Variants in STAT1 observed in about 807,000 individuals in gnomAD.
STAT1 encodes signal transducer and activator of transcription 1.
A neutral mutation model predicts 111.7 loss-of-function variants in STAT1; 24 were observed. The ratio of observed to expected loss-of-function variants is 0.21; its 90% CI spans 0.16 to 0.30. The LOEUF (loss-of-function observed/expected upper bound fraction) is 0.30, where lower values mean the gene tolerates loss of function less well. Ranked by LOEUF, STAT1 falls within the 10% of genes least tolerant of loss-of-function variation. STAT1 has a pLI of 1.00. For missense variants in STAT1, 351 were observed against 911.9 expected (o/e 0.38, Z 7.92); for synonymous variants, 332 against 326.5 (o/e 1.02, Z -0.18).
rs1331737723 is a variant in STAT1, at chr2:190,998,594, G to A, written c.542-286C>T. Among the ~76,000 whole-genome samples, 2 of 151,534 alleles carry A rather than the reference G, an allele frequency of 1.3e-5. No homozygotes were observed. The highest frequency in any genetic ancestry group is 2.1e-4 in the South Asian group (1 of 4,800). ...GGAGAACAGCATGAACCCGGGAGGC[G>A]GAGCTTGGAGTGAGCCGAGATCTCG... On this transcript the variant is annotated intron_variant, in intron 7 of 24. Coordinates refer to ENST00000361099, the MANE Select transcript of STAT1 (RefSeq NM_007315.4). This position sits in a 1 kb window ranked among gnomAD's most constrained non-coding sequence, Gnocchi z 4.1.
intron 2 of STAT1, among the ~76,000 whole-genome samples, chr2:191,013,159 G>A (rs530503928): frequency 3.3e-5 from 5 of 152,338 alleles, no homozygotes; most frequent in South Asian, 2.1e-4. Flanking sequence ...GAATTAGAAA[G>A]TAAAAAGCAA....
rs540073609 is a variant in STAT1 at position 190,984,058 on chromosome 2, T to C, written c.1347+252A>G. Among the ~76,000 whole-genome samples the C allele has an allele frequency of 7.3e-6, 1 of 137,490 alleles. No individual in the cohort carries two copies. The highest frequency in any genetic ancestry group is 7.0e-5 in the Admixed American group (1 of 14,246). 90.2% of individuals were successfully genotyped at this position (137,490 alleles called of 152,430 possible). A position where few individuals can be genotyped will look rare whatever the true frequency, so the allele number is the denominator to read the frequency against. On this transcript the variant is annotated intron_variant, in intron 16 of 24. Coordinates refer to ENST00000361099, the MANE Select transcript of STAT1 (RefSeq NM_007315.4). This position sits in a 1 kb window ranked among gnomAD's most constrained non-coding sequence, Gnocchi z 5.2. ...GCAGAGCAAAATAAATAAGTCCCAATGCTTAATGTAAAAAAAAAAAATTAA... is the reference window on the plus strand; with the variant it reads ...GCAGAGCAAAATAAATAAGTCCCAACGCTTAATGTAAAAAAAAAAAATTAA...
chr2:191,013,737 T>C, intron 1 of STAT1, 59 bp from the exon 2 acceptor site: 1 of 398,512 alleles, frequency 2.5e-6, no homozygotes, highest in Non-Finnish European at 4.4e-6. Context: ...AAAGTGACGG[T>C]AAATGGGAAG....
In STAT1 at chr2:190,976,906, T is replaced by G. The variant is rs766134563; in HGVS notation, c.1993A>C (p.Lys665Gln). ...AAENIPENPL[K>Q]YLYPNIDKDH... Reference sequence around the variant, plus strand: ...TTGTCAATATTTGGATACAGATACTTCAGGGGATTCTCAGGAATATTCTCA... The same window carrying G: ...TTGTCAATATTTGGATACAGATACTGCAGGGGATTCTCAGGAATATTCTCA... Residue 665 changes from lysine (K) to glutamine (Q), a missense_variant, in exon 22 of 25, where the codon AAG (lysine) becomes CAG (glutamine). Lys to Gln is a moderately conservative substitution (Grantham distance 53). Around this residue, in one of 7 missense-constraint regions of STAT1, gnomAD observed 181 missense variants for 426.1 expected, o/e 0.42. Coordinates refer to ENST00000361099, the MANE Select transcript of STAT1 (RefSeq NM_007315.4). The surrounding 1 kb of genome is among the most constrained non-coding windows in gnomAD (Gnocchi z 6.0). The G allele has an allele frequency of 6.2e-7, 1 of 1,614,174 alleles. No individual in the cohort carries two copies. The highest frequency in any genetic ancestry group is 8.5e-7 in the Non-Finnish European group (1 of 1,179,984).
rs781677567 is a variant in STAT1, at chr2:190,998,617, T to C, written c.542-309A>G. 4.0e-5 allele frequency among the ~76,000 whole-genome samples: 6 copies of C among 149,932 alleles called. No homozygotes were observed. Among genetic ancestry groups the C allele is most frequent in the Admixed American group, 6.6e-5 (1 of 15,066 alleles). ...GCGGAGCTTGGAGTGAGCCGAGATC[T>C]CGCCACTGCACTCTAGCCTGGGCGA... is the stretch of plus-strand genomic sequence containing the variant. On this transcript the variant is annotated intron_variant, in intron 7 of 24. Transcript: ENST00000361099. This position sits in a 1 kb window ranked among gnomAD's most constrained non-coding sequence, Gnocchi z 4.1.
rs927470779 is a variant in STAT1 at position 190,999,456 on chromosome 2, G to A, written c.541+170C>T. On this transcript the variant is annotated intron_variant, in intron 7 of 24. Coordinates refer to ENST00000361099, the MANE Select transcript of STAT1 (RefSeq NM_007315.4). This position sits in a 1 kb window ranked among gnomAD's most constrained non-coding sequence, Gnocchi z 4.1. ...CCAGGACAGCCCCAACAACAAATTA[G>A]CCCGAAATGTCAATAATATTGGATG... Among the ~76,000 whole-genome samples, 1 of 152,036 alleles carries A rather than the reference G, an allele frequency of 6.6e-6. No individual in the cohort carries two copies. The highest frequency in any genetic ancestry group is 2.4e-5 in the African/African-American group (1 of 41,376).
chr2:190,982,340 G>A lies in STAT1; in HGVS notation c.1582+43C>T. 6.2e-7 allele frequency: 1 copy of A among 1,608,650 alleles called. No homozygotes were observed. Among genetic ancestry groups the A allele is most frequent in the Non-Finnish European group, 8.5e-7 (1 of 1,175,478 alleles). ...AGAGCAATTAGAGAGATATTTTTAT[G>A]AATTTCAATTTTTATAAACATAACA... is the stretch of plus-strand genomic sequence containing the variant. On this transcript the variant is annotated intron_variant, in intron 18 of 24. Transcript: ENST00000361099. The surrounding 1 kb of genome is among the most constrained non-coding windows in gnomAD (Gnocchi z 7.3).
rs1693117075 is a variant in STAT1 at position 190,989,169 on chromosome 2, C to T, written c.1097+446G>A. ...TCATGGCAGCCTGGACGTTCAGCCT[C>T]GGGTTGGATCAGGGGCCTCTCCTTT... On this transcript the variant is annotated intron_variant, in intron 12 of 24. Transcript: ENST00000361099. The surrounding 1 kb of genome is among the most constrained non-coding windows in gnomAD (Gnocchi z 5.0). Among the ~76,000 whole-genome samples, 1 of 152,134 alleles carries T rather than the reference C, an allele frequency of 6.6e-6. No individual in the cohort carries two copies. The highest frequency in any genetic ancestry group is 2.1e-4 in the South Asian group (1 of 4,828).
Position 190,974,583 on chromosome 2 carries a change from C to G in STAT1, c.2238+247G>C, listed in dbSNP as rs1464889507. ...AACTTTAAAGGGGAGAGGAGGAAACCTGAATATTAGAAATGTCACTTGTTT... is the reference window on the plus strand; with the variant it reads ...AACTTTAAAGGGGAGAGGAGGAAACGTGAATATTAGAAATGTCACTTGTTT... On this transcript the variant is annotated intron_variant, in intron 24 of 24. Transcript: ENST00000361099. The surrounding 1 kb of genome is among the most constrained non-coding windows in gnomAD (Gnocchi z 4.8). Among the ~76,000 whole-genome samples the G allele has an allele frequency of 1.3e-5, 2 of 152,196 alleles. No individual in the cohort carries two copies. The highest frequency in any genetic ancestry group is 4.8e-5 in the African/African-American group (2 of 41,436).
rs1447181275 is a variant in STAT1, at chr2:190,976,738, C to T, written c.2059+102G>A. On this transcript the variant is annotated intron_variant, in intron 22 of 24. Transcript: ENST00000361099. The surrounding 1 kb of genome is among the most constrained non-coding windows in gnomAD (Gnocchi z 6.0). ...GCCATCTTTTGAAAGCCTACTCTTACCAATTCGAAAGCAAAACACTGCATG... is the reference window on the plus strand; with the variant it reads ...GCCATCTTTTGAAAGCCTACTCTTATCAATTCGAAAGCAAAACACTGCATG... 2.9e-6 allele frequency: 3 copies of T among 1,030,522 alleles called. No individual in the cohort carries two copies. Among genetic ancestry groups the T allele is most frequent in the Non-Finnish European group, 4.5e-6 (3 of 659,752 alleles). The allele number at this position is 1,030,522 out of a possible 1,614,324, so 63.8% of individuals were successfully genotyped here. A position where few individuals can be genotyped will look rare whatever the true frequency, so the allele number is the denominator to read the frequency against.
Position 190,993,116 on chromosome 2 carries a change from A to G in STAT1, c.945-1796T>C. On this transcript the variant is annotated intron_variant, in intron 10 of 24. Transcript: ENST00000361099. The surrounding 1 kb of genome is among the most constrained non-coding windows in gnomAD (Gnocchi z 4.1). ...TGTTGCATTCCTAGCACTAGTTTCC[A>G]AAAACAGAATTCCAAGGGAATCAGC... 2.4e-6 allele frequency: 1 copy of G among 410,876 alleles called. No individual in the cohort carries two copies. Among genetic ancestry groups the G allele is most frequent in the Non-Finnish European group, 4.6e-6 (1 of 215,732 alleles). The allele number at this position is 410,876 out of a possible 1,614,324, so 25.5% of individuals were successfully genotyped here.
At chr2:190,985,791 T>C (rs1286921070) in intron 14 of STAT1, 131 bp from the exon 15 acceptor site, 2 of 982,438 alleles carry the variant, frequency 2.0e-6, no homozygotes, top group Non-Finnish European at 3.1e-6. Context: ...ATGCAGAACA[T>C]GGGACAAATT....
At chr2:191,009,375 C>A (rs1023732396) in intron 3 of STAT1, among the ~76,000 whole-genome samples, 7 of 152,156 alleles carry the variant, frequency 4.6e-5, no homozygotes, top group African/African-American at 1.7e-4. Context: ...GAAAAGTCAA[C>A]AGGGGACCCT....
rs1240818117 is a variant in STAT1 at position 191,013,569 on chromosome 2, G to C, written c.-46C>G. The C allele has an allele frequency of 5.0e-6, 2 of 398,420 alleles. No individual in the cohort carries two copies. The highest frequency in any genetic ancestry group is 8.8e-6 in the Non-Finnish European group (2 of 226,062). The allele number at this position is 398,420 out of a possible 1,614,324, so 24.7% of individuals were successfully genotyped here. A position where few individuals can be genotyped will look rare whatever the true frequency, so the allele number is the denominator to read the frequency against. On this transcript the variant is annotated 5_prime_UTR_variant, in exon 2 of 25. Coordinates refer to ENST00000361099, the MANE Select transcript of STAT1 (RefSeq NM_007315.4). The stretch of plus-strand genomic sequence containing the variant: ...CAAGGGCCTGGGGATTCAACCAAAG[G>C]AGCAGCTACGCACAGCACGTTAGGT...
In STAT1 at chr2:190,980,743, G is replaced by C; in HGVS notation, c.1583-74C>G. The C allele has an allele frequency of 6.9e-7, 1 of 1,453,258 alleles. No individual in the cohort carries two copies. The highest frequency in any genetic ancestry group is 9.6e-7 in the Non-Finnish European group (1 of 1,036,474). The allele number at this position is 1,453,258 out of a possible 1,614,324, so 90.0% of individuals were successfully genotyped here. A position where few individuals can be genotyped will look rare whatever the true frequency, so the allele number is the denominator to read the frequency against. On this transcript the variant is annotated intron_variant, in intron 18 of 24. Transcript: ENST00000361099. This position sits in a 1 kb window ranked among gnomAD's most constrained non-coding sequence, Gnocchi z 6.1. ...AGCTTTGGTTGGACGGATGGCTCTT[G>C]TATTTGCTCTCAAGGAAAAGAGCCA...
rs1470095784 is a variant in STAT1 at position 191,000,005 on chromosome 2, T to C, written c.463-301A>G. On this transcript the variant is annotated intron_variant, in intron 6 of 24. Coordinates refer to ENST00000361099, the MANE Select transcript of STAT1 (RefSeq NM_007315.4). This position sits in a 1 kb window ranked among gnomAD's most constrained non-coding sequence, Gnocchi z 4.8. Reference sequence around the variant, plus strand: ...TCCTCATCATTTTTGAGACTACCTCTGAGATATGATTTAAGAACTCCACTG... The same window carrying C: ...TCCTCATCATTTTTGAGACTACCTCCGAGATATGATTTAAGAACTCCACTG... 6.6e-6 allele frequency among the ~76,000 whole-genome samples: 1 copy of C among 152,224 alleles called. No homozygotes were observed. Among genetic ancestry groups the C allele is most frequent in the Non-Finnish European group, 1.5e-5 (1 of 68,042 alleles).
Position 190,979,178 on chromosome 2 carries a change from G to GTATATA in STAT1, c.1728-183_1728-178dup, listed in dbSNP as rs1692145815. ...TTAAGGAAGCATTTCACTTATACAT[G>GTATATA]TATATACTAAGGTTTTAAAAAAAGC... On this transcript the variant is annotated intron_variant, in intron 20 of 24. Transcript: ENST00000361099. This position sits in a 1 kb window ranked among gnomAD's most constrained non-coding sequence, Gnocchi z 5.8. Among the ~76,000 whole-genome samples, 1 of 152,132 alleles carries GTATATA rather than the reference G, an allele frequency of 6.6e-6. No homozygotes were observed. The highest frequency in any genetic ancestry group is 2.4e-5 in the African/African-American group (1 of 41,424).
rs1051300059 is a variant in STAT1, at chr2:190,993,903, C to T, written c.944+1158G>A. Among the ~76,000 whole-genome samples the T allele has an allele frequency of 6.6e-6, 1 of 152,044 alleles. No individual in the cohort carries two copies. Among genetic ancestry groups the T allele is most frequent in the African/African-American group, 2.4e-5 (1 of 41,376 alleles). On this transcript the variant is annotated intron_variant, in intron 10 of 24. Transcript: ENST00000361099. The surrounding 1 kb of genome is among the most constrained non-coding windows in gnomAD (Gnocchi z 4.1). Reference sequence around the variant, plus strand: ...TCACAAGGCACTGCGCTAGGTCCTGCTGGGGGAAAAGGGTGACAAAGGCAT... The same window carrying T: ...TCACAAGGCACTGCGCTAGGTCCTGTTGGGGGAAAAGGGTGACAAAGGCAT...
At position 190,989,583 on chromosome 2, in the gene STAT1, A is replaced by C; in HGVS notation, c.1097+32T>G. 7.9e-7 allele frequency: 1 copy of C among 1,265,790 alleles called. No individual in the cohort carries two copies. The highest frequency in any genetic ancestry group is 1.3e-5 in the South Asian group (1 of 76,836). 78.4% of individuals were successfully genotyped at this position (1,265,790 alleles called of 1,614,324 possible). Reference sequence around the variant, plus strand: ...AACAAAATCAACATTTCAATAGTACATGTATGTTATATAATGTTAAAGATA... The same window carrying C: ...AACAAAATCAACATTTCAATAGTACCTGTATGTTATATAATGTTAAAGATA... On this transcript the variant is annotated intron_variant, in intron 12 of 24. Transcript: ENST00000361099. The surrounding 1 kb of genome is among the most constrained non-coding windows in gnomAD (Gnocchi z 5.0).
Sources: allele counts gnomAD v4.1 joint callset (sites outside exome capture counted in the v4.1 genomes callset), GRCh38; gene constraint gnomAD v4.1.1; regional missense constraint gnomAD v4.1.1; non-coding constraint Gnocchi (gnomAD v3.1); transcripts MANE v1.5; gene names NCBI Gene and HGNC (gene_info 2026-07-23, HGNC 2026-07-21).